PCNX1: variants seen among roughly 807,000 people sequenced by gnomAD.
PCNX1 encodes the protein pecanex-like protein 1.
PCNX1 carries 78 observed loss-of-function variants against 242.2 expected under a neutral mutation model. That is an observed-to-expected ratio of 0.32 (90% CI 0.27 to 0.39). The LOEUF (loss-of-function observed/expected upper bound fraction) is 0.39, where lower values mean the gene tolerates loss of function less well. Among genes scored for constraint, PCNX1 ranks in the 10% least tolerant of loss-of-function variants. The pLI is 1.00. For missense variants in PCNX1, 2,581 were observed against 2,856.5 expected (o/e 0.90, Z 2.20); for synonymous variants, 1,024 against 1,032.9 (o/e 0.99, Z 0.17).
chr14:71,048,932 C>G (rs1204636122), intron 22 of PCNX1: 1 of 424,576 alleles, frequency 2.4e-6, no homozygotes, highest in Non-Finnish European at 3.1e-6. Context: ...TAAAATATTT[C>G]AATATTATAT....
chr14:71,048,502 C>T (rs894720216), intron 22 of PCNX1, among the ~76,000 whole-genome samples: 1 of 152,162 alleles, frequency 6.6e-6, no homozygotes, highest in Non-Finnish European at 1.5e-5. Flanking sequence ...AAACCTTGGT[C>T]CTCTGCCTCC....
chr14:71,094,549 A>T (rs1595491935), intron 30 of PCNX1, among the ~76,000 whole-genome samples: 2 of 152,218 alleles, frequency 1.3e-5, no homozygotes, highest in Non-Finnish European at 2.9e-5. Flanking sequence ...TTAGTACTTC[A>T]TAGGTGTTTT....
chr14:71,085,288 G>T (rs370657546), intron 28 of PCNX1, among the ~76,000 whole-genome samples: 1 of 152,102 alleles, frequency 6.6e-6, no homozygotes, highest in Non-Finnish European at 1.5e-5. Flanking sequence ...GTTCATGTTC[G>T]GCCATCTTGC....
chr14:70,930,335 C>T (rs2140153072), intron 1 of PCNX1, among the ~76,000 whole-genome samples: 1 of 152,286 alleles, frequency 6.6e-6, no homozygotes, highest in Middle Eastern at 3.4e-3. Flanking sequence ...CTGCTCATCT[C>T]TAACTCCTGG....
rs772402385 is a variant in PCNX1 at position 71,047,040 on chromosome 14, G to C, written c.4095G>C (p.Leu1365Phe). The change falls in exon 21 of 36, where the codon TTG (leucine) becomes TTC (phenylalanine). Residue 1365 changes from leucine (L) to phenylalanine (F), a missense_variant. Leu to Phe is a conservative substitution (Grantham distance 22). Transcript: ENST00000304743. Reference protein sequence around the residue: ...LFVEKNIIYPLIVLNELSSSA... With the variant: ...LFVEKNIIYPFIVLNELSSSA... The stretch of plus-strand genomic sequence containing the variant: ...TGGAGAAGAATATAATCTATCCATT[G>C]ATTGTTCTCAATGAACTGAGCAGCA... 1.2e-6 allele frequency: 2 copies of C among 1,611,346 alleles called. No individual in the cohort carries two copies. The highest frequency in any genetic ancestry group is 1.7e-6 in the Non-Finnish European group (2 of 1,178,104).
At chr14:71,026,405 T>C in intron 14 of PCNX1, 117 bp downstream of exon 14, 2 of 610,940 alleles carry the variant, frequency 3.3e-6, no homozygotes, top group Non-Finnish European at 5.4e-6. Context: ...TTTACTGTTA[T>C]TATGTGCTCT....
At position 70,968,247 on chromosome 14, in the gene PCNX1, G is replaced by A. The variant is rs2058439479; in HGVS notation, c.514+4G>A. The A allele has an allele frequency of 7.5e-6, 12 of 1,610,016 alleles. No homozygotes were observed. Among genetic ancestry groups the A allele is most frequent in the Middle Eastern group, 3.3e-4 (2 of 6,024 alleles). ...GGAACAGCAGCAACTATTAAAGGTAGGTGTGATCTAACTTAAAAGTTGCAC... is the reference window on the plus strand; with the variant it reads ...GGAACAGCAGCAACTATTAAAGGTAAGTGTGATCTAACTTAAAAGTTGCAC... On this transcript the variant is annotated splice_donor_region_variant and intron_variant, in intron 4 of 35. Coordinates refer to ENST00000304743, the MANE Select transcript of PCNX1 (RefSeq NM_014982.3).
intron 3 of PCNX1, among the ~76,000 whole-genome samples, chr14:70,966,490 G>A (rs1045950792): frequency 5.9e-5 from 9 of 152,098 alleles, no homozygotes; most frequent in African/African-American, 2.2e-4. Context: ...GATTTTCCTT[G>A]ATCACTTTCT....
At position 71,012,986 on chromosome 14, in the gene PCNX1, T is replaced by C. The variant is rs760953329; in HGVS notation, c.2780T>C (p.Leu927Pro). 9.9e-6 allele frequency: 16 copies of C among 1,608,080 alleles called. No homozygotes were observed. The highest frequency in any genetic ancestry group is 2.7e-5 in the African/African-American group (2 of 74,808). ...CTTTCAATGCTGACTTTCTTTTAGC[T>C]CTCTCTCCCACAGATTCGATTGAAT... is the stretch of plus-strand genomic sequence containing the variant. ...TSVRFYPHDV[L>P]SLPQIRLNRL... Residue 927 changes from leucine to proline, a missense_variant and splice_region_variant, in exon 11 of 36, where the codon CTC (leucine) becomes CCC (proline). By Grantham distance (98) the Leu-to-Pro change is moderately conservative (BLOSUM62 -3). Coordinates refer to ENST00000304743, the MANE Select transcript of PCNX1 (RefSeq NM_014982.3).
intron 2 of PCNX1, among the ~76,000 whole-genome samples, chr14:70,957,993 T>C (rs2058057289): frequency 6.6e-6 from 1 of 152,210 alleles, no homozygotes; most frequent in Non-Finnish European, 1.5e-5. Context: ...TATTGCTGAA[T>C]ATTTGAATAT....
chr14:71,009,506 TA>T (rs200194140), intron 8 of PCNX1, 127 bp from the exon 9 acceptor site: 1 of 469,100 alleles, frequency 2.1e-6, no homozygotes, highest in East Asian at 3.2e-5. Flanking sequence ...ATCATTGTTT[TA>T]AAAAAATTTT....
intron 33 of PCNX1, among the ~76,000 whole-genome samples, chr14:71,107,180 C>CT (rs889107212): frequency 3.3e-5 from 5 of 152,106 alleles, no homozygotes; most frequent in African/African-American, 4.8e-5. Flanking sequence ...AACTGCCCCC[C>CT]TGACTGCTTC....
rs900536943 is a variant in PCNX1, at chr14:71,013,030, A to G, written c.2824A>G (p.Thr942Ala). Residue 942 changes from threonine to alanine, a missense_variant, in exon 11 of 36, where the codon ACA (threonine) becomes GCA (alanine). Coordinates refer to ENST00000304743, the MANE Select transcript of PCNX1 (RefSeq NM_014982.3). ...ATTGAATAGACTATTGACCATTGAT[A>G]CAGATTTGTTGGAGCAACAGGACAT... ...IRLNRLLTID[T>A]DLLEQQDIDL... The G allele has an allele frequency of 3.7e-6, 6 of 1,614,004 alleles. No homozygotes were observed. Among genetic ancestry groups the G allele is most frequent in the African/African-American group, 2.7e-5 (2 of 74,906 alleles).
intron 3 of PCNX1, among the ~76,000 whole-genome samples, chr14:70,966,981 A>G (rs2058399387): frequency 6.6e-6 from 1 of 152,262 alleles, no homozygotes; most frequent in South Asian, 2.1e-4. Context: ...AGGAAAAACT[A>G]GAAGAACCAA....
At chr14:71,073,504 C>G (rs370501135) in intron 26 of PCNX1, 41 bp from the exon 27 acceptor site, 14 of 1,548,074 alleles carry the variant, frequency 9.0e-6, no homozygotes, top group African/African-American at 1.4e-5. Flanking sequence ...TTCCCACTTT[C>G]TGGTTTTCCC....
intron 19 of PCNX1, among the ~76,000 whole-genome samples, chr14:71,036,435 C>G (rs34971726): frequency 0.12 from 19,000 of 152,188 alleles, 1,520 homozygotes; most frequent in African/African-American, 0.21. Flanking sequence ...GCCCCAGTCT[C>G]CCAAAGTGCT....
chr14:70,919,960 C>T (rs71425226), intron 1 of PCNX1, among the ~76,000 whole-genome samples: 18 of 152,106 alleles, frequency 1.2e-4, no homozygotes, highest in South Asian at 6.2e-4. Flanking sequence ...AAATAGAACC[C>T]TGAGCGCCAA....
intron 8 of PCNX1, among the ~76,000 whole-genome samples, chr14:71,002,941 G>A (rs893949848): frequency 3.9e-5 from 6 of 152,050 alleles, no homozygotes; most frequent in Non-Finnish European, 8.8e-5. Flanking sequence ...ACTCATTGTG[G>A]TTTAAATTTG....
At chr14:71,061,379 G>A (rs1029114611) in intron 26 of PCNX1, among the ~76,000 whole-genome samples, 1 of 152,154 alleles carries the variant, frequency 6.6e-6, no homozygotes, top group African/African-American at 2.4e-5. Flanking sequence ...ACTGTTTGGA[G>A]AATAACATAC....
Sources: allele counts gnomAD v4.1 joint callset (sites outside exome capture counted in the v4.1 genomes callset), GRCh38; gene constraint gnomAD v4.1.1; transcripts MANE v1.5; gene names NCBI Gene and HGNC (gene_info 2026-07-23, HGNC 2026-07-21).